SHANK1: variants seen among roughly 807,000 people sequenced by gnomAD.
SHANK1 encodes SH3 and multiple ankyrin repeat domains protein 1.
Under a neutral mutation model 165.6 loss-of-function variants are expected in SHANK1, and 35 were observed. The observed-to-expected ratio is 0.21, with a 90% CI of 0.16 to 0.28. The LOEUF (loss-of-function observed/expected upper bound fraction) is 0.28. Ranked by LOEUF, SHANK1 falls within the 10% of genes least tolerant of loss-of-function variation. The probability of loss-of-function intolerance (pLI) is 1.00; values close to 1 mark genes in which losing one functional copy is unlikely to be tolerated. For synonymous variants in SHANK1, 1,428 were observed against 1,384.8 expected (o/e 1.03, Z -0.69); for missense variants, 2,681 against 3,036.4 (o/e 0.88, Z 2.75).
At position 50,686,312 on chromosome 19, in the gene SHANK1, A is replaced by G. The variant is rs557095321; in HGVS notation, c.2502T>C (p.Ser834=). 1.1e-4 allele frequency: 178 copies of G among 1,608,116 alleles called. No individual in the cohort carries two copies. In the South Asian group the frequency reaches 1.7e-3, roughly 15 times the overall value. ...EILAAAQQTI[S]ASESPGPGGL... ...CACCGGGACCAGGGCTTTCGCTTGC[A>G]CTGATGGTCTGTTGAGCTGCGGCCA... The change falls in exon 21 of 24, where the codon AGT becomes AGC. Residue 834 remains serine, a synonymous_variant. Coordinates refer to ENST00000293441, the MANE Select transcript of SHANK1 (RefSeq NM_016148.5). This position sits in a 1 kb window ranked among gnomAD's most constrained non-coding sequence, Gnocchi z 5.7.
At position 50,713,642 on chromosome 19, in the gene SHANK1, A is replaced by G. The variant is rs552170894; in HGVS notation, c.792+156T>C. ...TCTGGGGGGCCTGACAAGGGTGACAATAGGGGCTGTGTCTCAGTCTATGGA... is the reference window on the plus strand; with the variant it reads ...TCTGGGGGGCCTGACAAGGGTGACAGTAGGGGCTGTGTCTCAGTCTATGGA... On this transcript the variant is annotated intron_variant, in intron 6 of 23. Coordinates refer to ENST00000293441, the MANE Select transcript of SHANK1 (RefSeq NM_016148.5). The surrounding 1 kb of genome is among the most constrained non-coding windows in gnomAD (Gnocchi z 6.2). 6.6e-6 allele frequency among the ~76,000 whole-genome samples: 1 copy of G among 152,192 alleles called. No homozygotes were observed. Among genetic ancestry groups the G allele is most frequent in the East Asian group, 1.9e-4 (1 of 5,180 alleles).
intron 1 of SHANK1, among the ~76,000 whole-genome samples, chr19:50,719,133 C>T (rs1030963433): frequency 6.9e-6 from 1 of 145,274 alleles, no homozygotes; most frequent in Non-Finnish European, 1.5e-5. Flanking sequence ...CCCCGGAGAG[C>T]CGGGAGGCGG....
chr19:50,687,282 G>A (rs1479558102), intron 19 of SHANK1, among the ~76,000 whole-genome samples: 4 of 151,986 alleles, frequency 2.6e-5, no homozygotes, highest in Non-Finnish European at 2.9e-5. Context: ...GATGTTGAAT[G>A]GGGCTGGGGG....
Position 50,686,959 on chromosome 19 carries a change from G to A in SHANK1, c.2390-147C>T, listed in dbSNP as rs879235516. 48 of 1,358,502 alleles carry A rather than the reference G, an allele frequency of 3.5e-5. 1 individual carries two copies. The highest frequency in any genetic ancestry group is 2.0e-4 in the Middle Eastern group (1 of 4,992). The allele number at this position is 1,358,502 out of a possible 1,614,324, so 84.2% of individuals were successfully genotyped here. ...TGAGGGGCCGGGGTCAGGGAGGGGC[G>A]AGTCCGCCGGCGGGGTCGGGAGACG... On this transcript the variant is annotated intron_variant, in intron 19 of 23. Coordinates refer to ENST00000293441, the MANE Select transcript of SHANK1 (RefSeq NM_016148.5). This position sits in a 1 kb window ranked among gnomAD's most constrained non-coding sequence, Gnocchi z 5.7.
rs73042561 is a variant in SHANK1 at position 50,660,765 on chromosome 19, T to A, written c.*1200A>T. ...TGCAAAAGCAAGTGTGCAAGAGGGT[T>A]CACAAAAGAATCAAAAATGCAGAAG... On this transcript the variant is annotated 3_prime_UTR_variant, in exon 24 of 24. Coordinates refer to ENST00000293441, the MANE Select transcript of SHANK1 (RefSeq NM_016148.5). 0.15 allele frequency among the ~76,000 whole-genome samples: 19,893 copies of A among 136,328 alleles called. 1,462 individuals are homozygous for A. The highest frequency in any genetic ancestry group is 0.22 in the East Asian group (1,070 of 4,812). 89.4% of individuals were successfully genotyped at this position (136,328 alleles called of 152,430 possible).
chr19:50,715,803 T>A, intron 3 of SHANK1, 73 bp from the exon 4 acceptor site: 1 of 1,415,252 alleles, frequency 7.1e-7, no homozygotes, highest in South Asian at 1.2e-5. Context: ...AGGCTTGGGG[T>A]AGGGGAAGGT....
At chr19:50,678,842 G>A (rs185917001) in intron 21 of SHANK1, among the ~76,000 whole-genome samples, 11 of 1,012 alleles carry the variant, frequency 0.011, 1 homozygote, top group African/African-American at 0.027. Context: ...GGAGGGGTCA[G>A]GATGATGGGG....
chr19:50,703,854 G>T, intron 10 of SHANK1, 24 bp from the exon 11 acceptor site: 1 of 1,195,222 alleles, frequency 8.4e-7, no homozygotes, highest in South Asian at 1.6e-5. Context: ...GTGGCGGCGG[G>T]GGGCAGATGT....
Position 50,668,018 on chromosome 19 carries a change from C to T in SHANK1, c.3942G>A (p.Gly1314=). The T allele has an allele frequency of 6.8e-7, 1 of 1,476,220 alleles. No individual in the cohort carries two copies. The highest frequency in any genetic ancestry group is 1.5e-5 in the African/African-American group (1 of 68,326). 91.4% of individuals were successfully genotyped at this position (1,476,220 alleles called of 1,614,324 possible). The change falls in exon 23 of 24, where the codon GGG becomes GGA. Residue 1314 remains glycine, a synonymous_variant. Coordinates refer to ENST00000293441, the MANE Select transcript of SHANK1 (RefSeq NM_016148.5). Reference sequence around the variant, plus strand: ...CACCCCCGTAGGCTCGGCTACCGGCCCCGTAGCCGCCGTAGCCCGCGCCGC... The same window carrying T: ...CACCCCCGTAGGCTCGGCTACCGGCTCCGTAGCCGCCGTAGCCCGCGCCGC... ...AGSGAGYGGY[G]AGSRAYGGGG... is the part of the protein sequence containing the mutation.
Position 50,680,363 on chromosome 19 carries a change from G to A in SHANK1, c.2577+5874C>T, listed in dbSNP as rs114670159. On this transcript the variant is annotated intron_variant, in intron 21 of 23. Transcript: ENST00000293441. Reference sequence around the variant, plus strand: ...CAGGAGGGAACCCCAGAAGTGGGGAGTGCAACTGAGAGGGAGCAATGACGT... The same window carrying A: ...CAGGAGGGAACCCCAGAAGTGGGGAATGCAACTGAGAGGGAGCAATGACGT... Among the ~76,000 whole-genome samples, 1,120 of 152,246 alleles carry A rather than the reference G, an allele frequency of 7.4e-3. 18 individuals are homozygous for A. The highest frequency in any genetic ancestry group is 0.025 in the African/African-American group (1,054 of 41,536).
In SHANK1 at chr19:50,686,622, G is replaced by T. The variant is rs1346839136; in HGVS notation, c.2458+122C>A. Reference sequence around the variant, plus strand: ...AGGGCGGGCGGAGGGAGGGGAGGTGGGATCGCAGCCTCTCTGGGGCAGGAA... The same window carrying T: ...AGGGCGGGCGGAGGGAGGGGAGGTGTGATCGCAGCCTCTCTGGGGCAGGAA... On this transcript the variant is annotated intron_variant, in intron 20 of 23. Transcript: ENST00000293441. The surrounding 1 kb of genome is among the most constrained non-coding windows in gnomAD (Gnocchi z 5.7). The T allele has an allele frequency of 3.3e-6, 3 of 921,316 alleles. No homozygotes were observed. Among genetic ancestry groups the T allele is most frequent in the East Asian group, 2.6e-5 (1 of 38,486 alleles). The allele number at this position is 921,316 out of a possible 1,614,324, so 57.1% of individuals were successfully genotyped here. A position where few individuals can be genotyped will look rare whatever the true frequency, so the allele number is the denominator to read the frequency against.
intron 12 of SHANK1, among the ~76,000 whole-genome samples, chr19:50,701,834 A>G (rs953063501): frequency 2.6e-5 from 4 of 152,182 alleles, no homozygotes; most frequent in Non-Finnish European, 4.4e-5. Flanking sequence ...TGCAAAGCCT[A>G]TAAGCAGGGG....
intron 21 of SHANK1, among the ~76,000 whole-genome samples, chr19:50,678,202 T>C (rs1986041207): frequency 6.6e-6 from 1 of 152,050 alleles, no homozygotes; most frequent in Non-Finnish European, 1.5e-5. Context: ...AGATTCAAGA[T>C]GCATCGGAGA....
rs1985319954 is a variant in SHANK1, at chr19:50,662,818, C to CA, written c.5769-137_5769-136insT. ...GGTAGGGGGAGAGACGGAGGAGAGACGGGAAGAAATGGAGGGAGCAAGGGG... is the reference window on the plus strand; with the variant it reads ...GGTAGGGGGAGAGACGGAGGAGAGACAGGGAAGAAATGGAGGGAGCAAGGGG... On this transcript the variant is annotated intron_variant, in intron 23 of 23. Coordinates refer to ENST00000293441, the MANE Select transcript of SHANK1 (RefSeq NM_016148.5). This position sits in a 1 kb window ranked among gnomAD's most constrained non-coding sequence, Gnocchi z 7.7. 1 of 827,918 alleles carries CA rather than the reference C, an allele frequency of 1.2e-6. No individual in the cohort carries two copies. The highest frequency in any genetic ancestry group is 1.9e-5 in the African/African-American group (1 of 52,690). The allele number at this position is 827,918 out of a possible 1,614,324, so 51.3% of individuals were successfully genotyped here. A position where few individuals can be genotyped will look rare whatever the true frequency, so the allele number is the denominator to read the frequency against.
chr19:50,686,593 G>T lies in SHANK1; in HGVS notation c.2458+151C>A. Reference sequence around the variant, plus strand: ...CGGGCAGGGAACGGGGCAGCCGTCGGGAGAGGGCGGGCGGAGGGAGGGGAG... The same window carrying T: ...CGGGCAGGGAACGGGGCAGCCGTCGTGAGAGGGCGGGCGGAGGGAGGGGAG... On this transcript the variant is annotated intron_variant, in intron 20 of 23. Coordinates refer to ENST00000293441, the MANE Select transcript of SHANK1 (RefSeq NM_016148.5). The surrounding 1 kb of genome is among the most constrained non-coding windows in gnomAD (Gnocchi z 5.7). 1.3e-6 allele frequency: 1 copy of T among 771,196 alleles called. No homozygotes were observed. Among genetic ancestry groups the T allele is most frequent in the South Asian group, 1.7e-5 (1 of 57,782 alleles). 47.8% of individuals were successfully genotyped at this position (771,196 alleles called of 1,614,324 possible).
intron 8 of SHANK1, among the ~76,000 whole-genome samples, chr19:50,707,288 C>G (rs1367858431): frequency 6.6e-6 from 1 of 152,238 alleles, no homozygotes; most frequent in Non-Finnish European, 1.5e-5. Flanking sequence ...CCCACAGGGA[C>G]TATTCGGTAG....
At chr19:50,691,470 G>T (rs1986536857) in intron 15 of SHANK1, among the ~76,000 whole-genome samples, 1 of 151,218 alleles carries the variant, frequency 6.6e-6, no homozygotes, top group Non-Finnish European at 1.5e-5. Flanking sequence ...AATCTCTCTT[G>T]CCCCCTCATC....
At chr19:50,679,561 C>T (rs371458105) in intron 21 of SHANK1, among the ~76,000 whole-genome samples, 1 of 152,156 alleles carries the variant, frequency 6.6e-6, no homozygotes, top group Admixed American at 6.5e-5. Flanking sequence ...CGCAGCCTTG[C>T]ATGACGTCAC....
Position 50,713,667 on chromosome 19 carries a change from A to G in SHANK1, c.792+131T>C. ...ATAGGGGCTGTGTCTCAGTCTATGG[A>G]AAGGGGCTTTGAACTGGGGACATGA... On this transcript the variant is annotated intron_variant, in intron 6 of 23. Coordinates refer to ENST00000293441, the MANE Select transcript of SHANK1 (RefSeq NM_016148.5). The surrounding 1 kb of genome is among the most constrained non-coding windows in gnomAD (Gnocchi z 6.2). 1 of 1,221,042 alleles carries G rather than the reference A, an allele frequency of 8.2e-7. No individual in the cohort carries two copies. The allele number at this position is 1,221,042 out of a possible 1,614,324, so 75.6% of individuals were successfully genotyped here.
Sources: allele counts gnomAD v4.1 joint callset (sites outside exome capture counted in the v4.1 genomes callset), GRCh38; gene constraint gnomAD v4.1.1; non-coding constraint Gnocchi (gnomAD v3.1); transcripts MANE v1.5; gene names NCBI Gene and HGNC (gene_info 2026-07-23, HGNC 2026-07-21).